The following TSTD2 variants were observed in gnomAD, a reference collection of about 807,000 sequenced individuals.
TSTD2 encodes thiosulfate sulfurtransferase/rhodanese-like domain-containing protein 2.
A neutral mutation model predicts 47.9 loss-of-function variants in TSTD2; 37 were observed. That is an observed-to-expected ratio of 0.77 (90% CI 0.59 to 1.02). The LOEUF is 1.02. Among genes scored for constraint, TSTD2 ranks in the 50% least tolerant of loss-of-function variants. TSTD2 has a pLI of 0.00. For synonymous variants in TSTD2, 201 were observed against 215.9 expected (o/e 0.93, Z 0.61); for missense variants, 586 against 616.0 (o/e 0.95, Z 0.52).
intron 2 of TSTD2, among the ~76,000 whole-genome samples, chr9:97,626,988 G>A (rs1826733384): frequency 6.6e-6 from 1 of 151,548 alleles, no homozygotes; most frequent in African/African-American, 2.4e-5. Flanking sequence ...TAATCTATTT[G>A]TTTATTTCTG....
chr9:97,602,815 C>CA, intron 9 of TSTD2, 48 bp from the exon 10 acceptor site: 1 of 1,537,612 alleles, frequency 6.5e-7, no homozygotes, highest in South Asian at 1.3e-5. Flanking sequence ...CATTCACACA[C>CA]ACGTGGACAG....
Position 97,602,547 on chromosome 9 carries a change from T to C in TSTD2, c.1473A>G (p.Glu491=). 6.2e-7 allele frequency: 1 copy of C among 1,613,958 alleles called. No individual in the cohort carries two copies. Among genetic ancestry groups the C allele is most frequent in the Non-Finnish European group, 8.5e-7 (1 of 1,179,966 alleles). The change falls in exon 10 of 10, where the codon GAA becomes GAG. Residue 491 remains glutamate (E), a synonymous_variant. Coordinates refer to ENST00000341170, the MANE Select transcript of TSTD2 (RefSeq NM_139246.5). ...CAGGCTGTCGCACATGCTGCAAGAG[T>C]TCCCTAGGTATGCGTGGCCGTCGGG... The part of the protein sequence containing the change: ...CTARRPRIPR[E]LLQHVRQPVS...
chr9:97,611,728 C>A, intron 4 of TSTD2, 29 bp from the exon 5 acceptor site: 1 of 1,587,076 alleles, frequency 6.3e-7, no homozygotes, highest in Non-Finnish European at 8.6e-7. Context: ...AAAAAGAGAA[C>A]AGATTGTTCT....
At position 97,602,891 on chromosome 9, in the gene TSTD2, G is replaced by A. The variant is rs1004410938; in HGVS notation, c.1253-124C>T. The A allele has an allele frequency of 1.1e-5, 11 of 980,280 alleles. No homozygotes were observed. In the East Asian group the frequency reaches 3.0e-4, roughly 27 times the overall value. 60.7% of individuals were successfully genotyped at this position (980,280 alleles called of 1,614,324 possible). A position where few individuals can be genotyped will look rare whatever the true frequency, so the allele number is the denominator to read the frequency against. On this transcript the variant is annotated intron_variant, in intron 9 of 9. Coordinates refer to ENST00000341170, the MANE Select transcript of TSTD2 (RefSeq NM_139246.5). ...GGAACCCGGGGAAGGTTTCCAAATA[G>A]TAAGTCTTCTGTCTTCTAGCAACAA... is the stretch of plus-strand genomic sequence containing the variant.
At chr9:97,607,731 C>T (rs546240230) in intron 6 of TSTD2, among the ~76,000 whole-genome samples, 29 of 152,172 alleles carry the variant, frequency 1.9e-4, no homozygotes, top group Non-Finnish European at 4.1e-4. Context: ...GGTGAAACCC[C>T]GTCTCTACTA....
In TSTD2 at chr9:97,601,336, G is replaced by A. The variant is rs1826253591; in HGVS notation, c.*1133C>T. 1 of 1,147,672 alleles carries A rather than the reference G, an allele frequency of 8.7e-7. No individual in the cohort carries two copies. Among genetic ancestry groups the A allele is most frequent in the Non-Finnish European group, 1.1e-6 (1 of 917,914 alleles). The allele number at this position is 1,147,672 out of a possible 1,614,324, so 71.1% of individuals were successfully genotyped here. On this transcript the variant is annotated 3_prime_UTR_variant, in exon 10 of 10. Coordinates refer to ENST00000341170, the MANE Select transcript of TSTD2 (RefSeq NM_139246.5). ...GGCCAGAAGACTGGGCAGCCACCATGGCAGTGCTGGATGACCTCAGTAAGA... is the reference window on the plus strand; with the variant it reads ...GGCCAGAAGACTGGGCAGCCACCATAGCAGTGCTGGATGACCTCAGTAAGA...
intron 1 of TSTD2, among the ~76,000 whole-genome samples, chr9:97,629,458 CT>C (rs58902150): frequency 0.01 from 1,530 of 152,270 alleles, 25 homozygotes; most frequent in African/African-American, 0.035. Flanking sequence ...TCAAAATGAG[CT>C]TTGTTATAAG....
Position 97,601,337 on chromosome 9 carries a change from G to A in TSTD2, c.*1132C>T. ...GCCAGAAGACTGGGCAGCCACCATG[G>A]CAGTGCTGGATGACCTCAGTAAGAA... is the stretch of plus-strand genomic sequence containing the variant. On this transcript the variant is annotated 3_prime_UTR_variant, in exon 10 of 10. Transcript: ENST00000341170. The A allele has an allele frequency of 8.7e-7, 1 of 1,147,672 alleles. No individual in the cohort carries two copies. Among genetic ancestry groups the A allele is most frequent in the East Asian group, 7.1e-5 (1 of 14,016 alleles). The allele number at this position is 1,147,672 out of a possible 1,614,324, so 71.1% of individuals were successfully genotyped here.
chr9:97,622,399 G>A (rs1281321515), intron 3 of TSTD2, among the ~76,000 whole-genome samples: 1 of 152,262 alleles, frequency 6.6e-6, no homozygotes, highest in South Asian at 2.1e-4. Flanking sequence ...ACACCTGGAT[G>A]CCCAGGCAGA....
At chr9:97,629,673 A>G (rs1826778604) in intron 1 of TSTD2, among the ~76,000 whole-genome samples, 1 of 152,262 alleles carries the variant, frequency 6.6e-6, no homozygotes, top group Non-Finnish European at 1.5e-5. Flanking sequence ...AAGTAAAATA[A>G]GTAGAAGAAT....
At position 97,600,489 on chromosome 9, in the gene TSTD2, G is replaced by GA. The variant is rs1826232310; in HGVS notation, c.*1979dup. The GA allele has an allele frequency of 2.0e-6, 2 of 985,508 alleles. No homozygotes were observed. The highest frequency in any genetic ancestry group is 9.4e-5 in the South Asian group (2 of 21,294). 61.0% of individuals were successfully genotyped at this position (985,508 alleles called of 1,614,324 possible). The stretch of plus-strand genomic sequence containing the variant: ...TGAATGCCAACCTTATGATGGATGT[G>GA]AAAATCTACGGCCAAATACTTTTGA... On this transcript the variant is annotated 3_prime_UTR_variant, in exon 10 of 10. Coordinates refer to ENST00000341170, the MANE Select transcript of TSTD2 (RefSeq NM_139246.5).
intron 4 of TSTD2, among the ~76,000 whole-genome samples, chr9:97,617,053 C>T (rs1826554773): frequency 6.6e-6 from 1 of 152,174 alleles, no homozygotes; most frequent in South Asian, 2.1e-4. Flanking sequence ...AGTTACTGTC[C>T]TCATGAAGCT....
intron 3 of TSTD2, among the ~76,000 whole-genome samples, chr9:97,618,497 T>C (rs1207098302): frequency 2.0e-5 from 3 of 152,200 alleles, no homozygotes; most frequent in Admixed American, 1.3e-4. Flanking sequence ...AATCAGAGAA[T>C]GGAAATAAAC....
intron 2 of TSTD2, 63 bp from the exon 3 acceptor site, chr9:97,626,060 C>G: frequency 6.9e-7 from 1 of 1,458,700 alleles, no homozygotes; most frequent in Non-Finnish European, 9.2e-7. Context: ...TAATAGAAGT[C>G]TCACTAAGAT....
intron 9 of TSTD2, 55 bp from the exon 10 acceptor site, chr9:97,602,822 A>G: frequency 6.6e-7 from 1 of 1,521,058 alleles, no homozygotes; most frequent in East Asian, 2.3e-5. Context: ...ACACACGTGG[A>G]CAGGCATTGC....
At chr9:97,624,219 G>A (rs1171365338) in intron 3 of TSTD2, among the ~76,000 whole-genome samples, 2 of 152,146 alleles carry the variant, frequency 1.3e-5, no homozygotes, top group Admixed American at 1.3e-4. Context: ...GTGATGGTAT[G>A]GCAATCTGAG....
rs1826641149 is a variant in TSTD2, at chr9:97,621,761, A to C, written c.483-3884T>G. ...CTGTTTCCTGTTAAGATGTTTATTA[A>C]AGACAATGCGTGCACAGTGGGACAT... On this transcript the variant is annotated intron_variant, in intron 3 of 9. Transcript: ENST00000341170. Among the ~76,000 whole-genome samples, 3 of 152,290 alleles carry C rather than the reference A, an allele frequency of 2.0e-5. No individual in the cohort carries two copies. The South Asian group carries it at 6.2e-4, about 32-fold the overall frequency.
chr9:97,630,584 C>A (rs1466398269), intron 1 of TSTD2, among the ~76,000 whole-genome samples: 1 of 152,184 alleles, frequency 6.6e-6, no homozygotes, highest in Non-Finnish European at 1.5e-5. Flanking sequence ...ATTACCCCAA[C>A]CTCTAAATGT....
intron 6 of TSTD2, among the ~76,000 whole-genome samples, chr9:97,610,019 G>T (rs1207517009): frequency 6.6e-6 from 1 of 152,102 alleles, no homozygotes; most frequent in Non-Finnish European, 1.5e-5. Flanking sequence ...GTAGCAAAAG[G>T]CCTATTTGCT....
Sources: gnomAD v4.1 joint callset for allele counts (sites outside exome capture counted in the v4.1 genomes callset) on GRCh38, gnomAD v4.1.1 for gene constraint, MANE v1.5 for transcripts, NCBI Gene and HGNC (gene_info 2026-07-23, HGNC 2026-07-21) for gene names.